CCDC171: variants seen among roughly 807,000 people sequenced by gnomAD.
CCDC171 encodes coiled-coil domain containing 171.
A neutral mutation model predicts 168.2 loss-of-function variants in CCDC171; 177 were observed. The ratio of observed to expected loss-of-function variants is 1.05; its 90% CI spans 0.93 to 1.19. The LOEUF (loss-of-function observed/expected upper bound fraction) is 1.19. Among genes scored for constraint, CCDC171 ranks in the 50% most tolerant of loss-of-function variants. The pLI is 0.00. For synonymous variants in CCDC171, 687 were observed against 540.8 expected (o/e 1.27, Z -3.75); for missense variants, 1,991 against 1,539.0 (o/e 1.29, Z -4.91).
At chr9:15,883,175 C>A in intron 24 of CCDC171, 2 of 287,538 alleles carry the variant, frequency 7.0e-6, no homozygotes, top group Non-Finnish European at 7.1e-6. Flanking sequence ...ACCACAGGTG[C>A]GCACCACCAT....
At chr9:15,909,304 T>A (rs1004952151) in intron 24 of CCDC171, among the ~76,000 whole-genome samples, 1 of 152,178 alleles carries the variant, frequency 6.6e-6, no homozygotes. Context: ...AAATTTTGTT[T>A]GTGATCCTTT....
intron 23 of CCDC171, among the ~76,000 whole-genome samples, chr9:15,864,874 G>C (rs1169404421): frequency 6.6e-6 from 1 of 152,054 alleles, no homozygotes. Flanking sequence ...CATGTTTGTT[G>C]TTGGATGAGT....
intron 1 of CCDC171, among the ~76,000 whole-genome samples, chr9:16,043,929 G>T (rs1305362480): frequency 2.6e-5 from 4 of 152,198 alleles, no homozygotes; most frequent in Admixed American, 2.6e-4. Flanking sequence ...CCAGGGTCTG[G>T]AATGCATGGT....
intron 7 of CCDC171, among the ~76,000 whole-genome samples, chr9:15,656,261 G>C (rs4741529): frequency 0.36 from 54,504 of 151,496 alleles, 12,221 homozygotes; most frequent in East Asian, 0.65. Flanking sequence ...GGTAGAGCTT[G>C]CAGTGAGCCT....
intron 6 of CCDC171, among the ~76,000 whole-genome samples, chr9:15,613,356 T>C (rs936150242): frequency 1.3e-5 from 2 of 152,098 alleles, no homozygotes; most frequent in African/African-American, 4.8e-5. Flanking sequence ...TTAATTGATA[T>C]AAATGAGTTA....
intron 3 of CCDC171, among the ~76,000 whole-genome samples, chr9:15,572,974 C>G (rs2131103968): frequency 6.6e-6 from 1 of 152,276 alleles, no homozygotes; most frequent in South Asian, 2.1e-4. Context: ...GCCTGGCCAA[C>G]ATGGTGAAAC....
At chr9:15,780,547 G>A (rs1459273558) in intron 20 of CCDC171, among the ~76,000 whole-genome samples, 1 of 151,928 alleles carries the variant, frequency 6.6e-6, no homozygotes, top group Non-Finnish European at 1.5e-5. Context: ...TTTTAAAAAC[G>A]AGGAAAGTTA....
chr9:15,945,349 T>C (rs1828226290), intron 25 of CCDC171, among the ~76,000 whole-genome samples: 1 of 147,010 alleles, frequency 6.8e-6, no homozygotes, highest in Non-Finnish European at 1.5e-5. Flanking sequence ...TAGGTGTGCA[T>C]GTGTCTTTAT....
intron 25 of CCDC171, among the ~76,000 whole-genome samples, chr9:15,951,539 T>TTTGC (rs1383783542): frequency 7.2e-5 from 11 of 152,138 alleles, no homozygotes; most frequent in South Asian, 4.2e-4. Context: ...TGTTTGTTTG[T>TTTGC]TTGCTTGTTT....
At chr9:15,710,782 A>G (rs1185264767) in intron 11 of CCDC171, among the ~76,000 whole-genome samples, 1 of 151,464 alleles carries the variant, frequency 6.6e-6, no homozygotes, top group Admixed American at 6.6e-5. Context: ...TATTTAGTAG[A>G]GATGGGGTTT....
At chr9:15,840,863 T>C (rs1169543044) in intron 21 of CCDC171, among the ~76,000 whole-genome samples, 1 of 152,142 alleles carries the variant, frequency 6.6e-6, no homozygotes, top group Non-Finnish European at 1.5e-5. Context: ...AAGAGTTTTG[T>C]GCTTTATATG....
intron 14 of CCDC171, 79 bp from the exon 15 acceptor site, chr9:15,727,790 C>A (rs2053902980): frequency 1.9e-6 from 2 of 1,065,730 alleles, no homozygotes; most frequent in Admixed American, 2.8e-5. Context: ...TAAATTAACT[C>A]TTCACCATTA....
At chr9:15,714,857 GCTGCCCATTTATTTTGGTT>G (rs1375737504) in intron 11 of CCDC171, among the ~76,000 whole-genome samples, 3 of 152,144 alleles carry the variant, frequency 2.0e-5, no homozygotes, top group Non-Finnish European at 4.4e-5. Flanking sequence ...ACTTAACTAT[GCTGCCCATTTATTTTGGTT>G]CTAGGAACAC....
intron 24 of CCDC171, among the ~76,000 whole-genome samples, chr9:15,913,170 G>C (rs971609192): frequency 3.3e-5 from 5 of 151,926 alleles, no homozygotes; most frequent in Non-Finnish European, 7.4e-5. Flanking sequence ...TTGGTCCTGG[G>C]CTTTTTTGGT....
At chr9:16,070,515 G>T in the CCDC171 span, among the ~76,000 whole-genome samples, 1 of 152,196 alleles carries the variant, frequency 6.6e-6, no homozygotes. Context: ...AGTGGCTCTG[G>T]CTTGGTTCTG....
intron 21 of CCDC171, among the ~76,000 whole-genome samples, chr9:15,836,107 A>G (rs1412595524): frequency 6.6e-6 from 1 of 152,204 alleles, no homozygotes; most frequent in Non-Finnish European, 1.5e-5. Context: ...TTTCTAAAGT[A>G]TCTCCTGATG....
chr9:15,728,647 A>G (rs1168305520), intron 15 of CCDC171, among the ~76,000 whole-genome samples: 6 of 152,184 alleles, frequency 3.9e-5, no homozygotes, highest in Non-Finnish European at 7.4e-5. Context: ...TCAGTCTCCA[A>G]CAAATGTTTA....
intron 9 of CCDC171, among the ~76,000 whole-genome samples, chr9:15,673,008 G>A (rs1198748183): frequency 1.3e-5 from 2 of 151,910 alleles, no homozygotes; most frequent in African/African-American, 4.8e-5. Context: ...TCTTCCATTT[G>A]TTTGTGTCCT....
intron 24 of CCDC171, among the ~76,000 whole-genome samples, chr9:15,893,254 C>T (rs1365557896): frequency 1.3e-5 from 2 of 152,098 alleles, no homozygotes; most frequent in Non-Finnish European, 2.9e-5. Flanking sequence ...AAACTGGACC[C>T]CTTCTTTACA....
Sources: allele counts gnomAD v4.1 joint callset (sites outside exome capture counted in the v4.1 genomes callset), GRCh38; gene constraint gnomAD v4.1.1; transcripts MANE v1.5; gene names NCBI Gene and HGNC (gene_info 2026-07-23, HGNC 2026-07-21).